SH3D19: variants seen among roughly 807,000 people sequenced by gnomAD.
SH3D19 encodes SH3 domain-containing protein 19.
A neutral mutation model predicts 112.1 loss-of-function variants in SH3D19; 58 were observed. That is an observed-to-expected ratio of 0.52 (90% CI 0.42 to 0.64). The LOEUF (loss-of-function observed/expected upper bound fraction) is 0.64, where lower values mean the gene tolerates loss of function less well. SH3D19 is among the 30% of genes least tolerant of loss of function. The pLI is 0.00. For synonymous variants in SH3D19, 391 were observed against 448.5 expected, an observed-to-expected ratio of 0.87 and a Z score of 1.62; for missense variants, 1,090 against 1,263.4, an observed-to-expected ratio of 0.86 and a Z score of 2.08.
chr4:151,325,189 C>T (rs1000189174), intron 1 of SH3D19, 52 bp downstream of exon 1: 8 of 1,056,118 alleles, frequency 7.6e-6, no homozygotes, highest in Middle Eastern at 7.0e-4. Flanking sequence ...CCCGAGCGGC[C>T]CCAGAGCGCG....
chr4:151,264,427 C>CT (rs71596245), intron 1 of SH3D19, among the ~76,000 whole-genome samples: 12 of 106,078 alleles, frequency 1.1e-4, no homozygotes, highest in Middle Eastern at 4.9e-3. Context: ...GACTCTGTCT[C>CT]AAAAAAAAAA....
Position 151,269,928 on chromosome 4 carries a change from C to G in SH3D19, c.113-43842G>C, listed in dbSNP as rs543932057. On this transcript the variant is annotated intron_variant, in intron 1 of 19. Transcript: ENST00000604030. ...CAGGATCATCAGTATCACTGTCTTC[C>G]ACCTCCACATCTTGTCCCACTGGAA... Among the ~76,000 whole-genome samples, 147 of 152,236 alleles carry G rather than the reference C, an allele frequency of 9.7e-4. 1 individual carries two copies. The highest frequency in any genetic ancestry group is 3.5e-3 in the African/African-American group (144 of 41,558).
intron 2 of SH3D19, among the ~76,000 whole-genome samples, chr4:151,216,749 G>A (rs1365609350): frequency 1.3e-5 from 2 of 152,204 alleles, no homozygotes; most frequent in Non-Finnish European, 2.9e-5. Flanking sequence ...TACTATGGCA[G>A]TGGTAGACCA....
In SH3D19 at chr4:151,175,322, A is replaced by G. The variant is rs769619860; in HGVS notation, c.882T>C (p.Val294=). ...GACCCTCAAACACTTTAATTCTGGA[A>G]ACAATACTATTTTGGCTTTGTTCTG... The part of the protein sequence containing the change: ...MNTEQSQNSI[V]SRIKVFEGQT... Residue 294 remains valine (V), a synonymous_variant, in exon 7 of 20, where the codon GTT becomes GTC. Coordinates refer to ENST00000604030, the MANE Select transcript of SH3D19 (RefSeq NM_001378122.1). 5 of 1,613,718 alleles carry G rather than the reference A, an allele frequency of 3.1e-6. No homozygotes were observed. Among genetic ancestry groups the G allele is most frequent in the Non-Finnish European group, 4.2e-6 (5 of 1,179,918 alleles).
intron 2 of SH3D19, among the ~76,000 whole-genome samples, chr4:151,192,721 G>A (rs10005907): frequency 0.97 from 147,062 of 152,234 alleles, 71,273 homozygotes; most frequent in African/African-American, 1. Flanking sequence ...TGTGAACGCT[G>A]TATTTCCCCC....
chr4:151,221,860 T>C (rs535927508), intron 2 of SH3D19, among the ~76,000 whole-genome samples: 32 of 152,308 alleles, frequency 2.1e-4, no homozygotes, highest in African/African-American at 7.2e-4. Context: ...TTAGGGTCAA[T>C]AGATTCTCAG....
intron 1 of SH3D19, among the ~76,000 whole-genome samples, chr4:151,311,195 C>T (rs1729428172): frequency 6.7e-6 from 1 of 149,698 alleles, no homozygotes; most frequent in Non-Finnish European, 1.5e-5. Context: ...GGAAATCCAG[C>T]CTGGGCAACA....
chr4:151,140,049 T>C (rs2280280), intron 12 of SH3D19: 399,605 of 480,160 alleles, frequency 0.83, 170,588 homozygotes, highest in Non-Finnish European at 0.91. Flanking sequence ...TAAGGGAGGA[T>C]GAAAATCTCA....
intron 1 of SH3D19, among the ~76,000 whole-genome samples, chr4:151,234,871 G>T (rs1769915562): frequency 6.7e-6 from 1 of 149,154 alleles, no homozygotes; most frequent in African/African-American, 2.5e-5. Flanking sequence ...CGCCTCCCCA[G>T]TAGCTGGGAC....
rs1773352428 is a variant in SH3D19 at position 151,273,327 on chromosome 4, A to C, written c.113-47241T>G. ...AAAGTCCAGCCAGGCACGGTAGCTC[A>C]CACCTGTAATCCCAGCACTTTGGGA... is the stretch of plus-strand genomic sequence containing the variant. On this transcript the variant is annotated intron_variant, in intron 1 of 19. Transcript: ENST00000604030. 2.0e-5 allele frequency among the ~76,000 whole-genome samples: 3 copies of C among 152,084 alleles called. No individual in the cohort carries two copies. In the South Asian group the frequency reaches 6.2e-4, roughly 32 times the overall value.
At chr4:151,224,322 A>AC (rs1277618708) in intron 2 of SH3D19, among the ~76,000 whole-genome samples, 1 of 152,180 alleles carries the variant, frequency 6.6e-6, no homozygotes, top group African/African-American at 2.4e-5. Context: ...GAAAAAAAAA[A>AC]AGTATGATCT....
At chr4:151,241,846 C>G (rs1333083128) in intron 1 of SH3D19, among the ~76,000 whole-genome samples, 1 of 151,892 alleles carries the variant, frequency 6.6e-6, no homozygotes, top group African/African-American at 2.4e-5. Flanking sequence ...TGAATGAGAA[C>G]TCTTAAGTAT....
At chr4:151,286,499 T>C (rs1424286394) in intron 1 of SH3D19, among the ~76,000 whole-genome samples, 3 of 150,756 alleles carry the variant, frequency 2.0e-5, no homozygotes, top group East Asian at 3.9e-4. Context: ...TAAGATGATA[T>C]GGACAAATTC....
At chr4:151,140,598 C>A (rs1271404624) in intron 12 of SH3D19, 1 of 152,206 alleles carries the variant, frequency 6.6e-6, no homozygotes, top group Non-Finnish European at 1.5e-5. Context: ...TTCTTAGTTT[C>A]TTTATATCAA....
intron 7 of SH3D19, chr4:151,170,420 A>G (rs17027324): frequency 1.2e-3 from 176 of 152,250 alleles, no homozygotes; most frequent in African/African-American, 4.0e-3. Context: ...TTTTCAAGGC[A>G]ATAATGGCCA....
At position 151,325,361 on chromosome 4, in the gene SH3D19, C is replaced by A; in HGVS notation, c.-9G>T. On this transcript the variant is annotated 5_prime_UTR_variant, in exon 1 of 20. Coordinates refer to ENST00000604030, the MANE Select transcript of SH3D19 (RefSeq NM_001378122.1). ...CGCCGGCCCTCAGCCATGGGCGAGG[C>A]GCGGGGCGCAGCCGCGGGATGGCCA... 8.3e-7 allele frequency: 1 copy of A among 1,200,776 alleles called. No individual in the cohort carries two copies. Among genetic ancestry groups the A allele is most frequent in the Admixed American group, 4.4e-5 (1 of 22,802 alleles). 74.4% of individuals were successfully genotyped at this position (1,200,776 alleles called of 1,614,324 possible).
At chr4:151,122,912 T>C (rs2407441) in intron 19 of SH3D19, among the ~76,000 whole-genome samples, 121,367 of 148,934 alleles carry the variant, frequency 0.81, 51,493 homozygotes, top group Non-Finnish European at 0.95. Context: ...AGTGCAATGG[T>C]GCAATCTCGG....
chr4:151,311,489 G>A (rs1561452245), intron 1 of SH3D19, among the ~76,000 whole-genome samples: 1 of 152,104 alleles, frequency 6.6e-6, no homozygotes, highest in Admixed American at 6.6e-5. Flanking sequence ...GACACAGAAA[G>A]ACTAATACTG....
At chr4:151,308,293 G>A (rs1249446354) in intron 1 of SH3D19, among the ~76,000 whole-genome samples, 1 of 152,220 alleles carries the variant, frequency 6.6e-6, no homozygotes, top group African/African-American at 2.4e-5. Flanking sequence ...AGTTATGAGG[G>A]ATATGAACAA....
Sources: gnomAD v4.1 joint callset for allele counts (sites outside exome capture counted in the v4.1 genomes callset) on GRCh38, gnomAD v4.1.1 for gene constraint, MANE v1.5 for transcripts, NCBI Gene and HGNC (gene_info 2026-07-23, HGNC 2026-07-21) for gene names.